HOMER2: variants seen among roughly 807,000 people sequenced by gnomAD.
HOMER2 encodes the protein homer scaffold protein 2.
Under a neutral mutation model 47.0 loss-of-function variants are expected in HOMER2, and 27 were observed. The observed-to-expected ratio is 0.57, with a 90% CI of 0.42 to 0.79. The LOEUF (loss-of-function observed/expected upper bound fraction) is 0.79. Among genes scored for constraint, HOMER2 ranks in the 30% least tolerant of loss-of-function variants. The probability of loss-of-function intolerance (pLI) is 0.00; values close to 1 mark genes in which losing one functional copy is unlikely to be tolerated. For missense variants in HOMER2, 443 were observed against 435.0 expected, an observed-to-expected ratio of 1.02 and a Z score of -0.16; for synonymous variants, 161 against 163.8, an observed-to-expected ratio of 0.98 and a Z score of 0.13.
Position 82,894,587 on chromosome 15 carries a change from C to T in HOMER2, c.6-1746G>A, listed in dbSNP as rs558494977. 3.8e-4 allele frequency among the ~76,000 whole-genome samples: 57 copies of T among 149,520 alleles called. No homozygotes were observed. In the Middle Eastern group the frequency reaches 0.01, roughly 27 times the overall value. ...TCGGGAGGCTGAGGCAGAAGAATGG[C>T]GTGAACCCGGGAGGCAGAGCTTGCA... On this transcript the variant is annotated intron_variant, in intron 1 of 8. Coordinates refer to ENST00000450735, the MANE Select transcript of HOMER2 (RefSeq NM_004839.4).
intron 6 of HOMER2, 149 bp from the exon 7 acceptor site, chr15:82,852,401 C>T (rs924038947): frequency 9.8e-6 from 6 of 611,880 alleles, no homozygotes; most frequent in Non-Finnish European, 1.7e-5. Context: ...ATGAACAAAC[C>T]CCATGCAGCT....
chr15:82,859,503 T>G (rs2051703186), intron 4 of HOMER2, among the ~76,000 whole-genome samples: 1 of 152,134 alleles, frequency 6.6e-6, no homozygotes, highest in Admixed American at 6.6e-5. Context: ...TTGGGAGACC[T>G]GGTCTCCTGA....
intron 1 of HOMER2, among the ~76,000 whole-genome samples, chr15:82,907,397 GAGAAAGAGAAGGAAAGAAAGAA>G (rs1235981580): frequency 3.4e-5 from 5 of 146,892 alleles, no homozygotes; most frequent in Admixed American, 2.8e-4. Flanking sequence ...GGAAAGGAAA[GAGAAAGAGAAGGAAAGAAAGAA>G]AGAAAGAGAA....
intron 4 of HOMER2, among the ~76,000 whole-genome samples, chr15:82,860,643 G>A (rs557385322): frequency 6.6e-5 from 10 of 152,048 alleles, no homozygotes; most frequent in African/African-American, 2.4e-4. Flanking sequence ...TAGTAAAGAA[G>A]TACAAAATGA....
intron 1 of HOMER2, among the ~76,000 whole-genome samples, chr15:82,897,650 T>C (rs1279869920): frequency 6.6e-6 from 1 of 152,172 alleles, no homozygotes; most frequent in Admixed American, 6.5e-5. Flanking sequence ...TCTCAATAAA[T>C]TACCTTACTG....
chr15:82,984,438 G>C (rs1288050927), intron 1 of HOMER2, among the ~76,000 whole-genome samples: 1 of 152,044 alleles, frequency 6.6e-6, no homozygotes, highest in African/African-American at 2.4e-5. Flanking sequence ...CTTTTGCTAG[G>C]TTAATGTTTC....
At chr15:82,934,877 C>T (rs2054106862) in intron 1 of HOMER2, among the ~76,000 whole-genome samples, 1 of 152,228 alleles carries the variant, frequency 6.6e-6, no homozygotes, top group African/African-American at 2.4e-5. Flanking sequence ...ATCACCTTCT[C>T]CTCCAGCTTC....
chr15:82,915,480 G>A (rs919425786), intron 1 of HOMER2, among the ~76,000 whole-genome samples: 1 of 152,032 alleles, frequency 6.6e-6, no homozygotes, highest in Admixed American at 6.6e-5. Context: ...AGGCTGAGAG[G>A]AGTGGATCAC....
chr15:82,892,658 TATTAA>T, intron 2 of HOMER2, 22 bp downstream of exon 2: 1 of 1,462,194 alleles, frequency 6.8e-7, no homozygotes, highest in South Asian at 1.5e-5. Flanking sequence ...CAACTGGGAG[TATTAA>T]AATCAGCTGA....
intron 1 of HOMER2, among the ~76,000 whole-genome samples, chr15:82,967,501 T>C (rs2054685406): frequency 6.6e-6 from 1 of 152,004 alleles, no homozygotes; most frequent in African/African-American, 2.4e-5. Context: ...GAGTTGCTAA[T>C]TGTTGAAGGT....
intron 1 of HOMER2, among the ~76,000 whole-genome samples, chr15:82,905,472 G>GA (rs2053260600): frequency 6.6e-6 from 1 of 152,024 alleles, no homozygotes; most frequent in East Asian, 1.9e-4. Flanking sequence ...GAAGCTCAGA[G>GA]AACACCCTGC....
At chr15:82,939,021 T>G (rs138865837) in intron 1 of HOMER2, among the ~76,000 whole-genome samples, 1 of 152,330 alleles carries the variant, frequency 6.6e-6, no homozygotes, top group East Asian at 1.9e-4. Flanking sequence ...ACTTTCTTTC[T>G]CCTTAGAAGG....
intron 1 of HOMER2, among the ~76,000 whole-genome samples, chr15:82,950,975 C>T (rs549495643): frequency 6.6e-6 from 1 of 152,174 alleles, no homozygotes; most frequent in South Asian, 2.1e-4. Context: ...TTAAAATTAC[C>T]GGATCCCTTT....
intron 1 of HOMER2, among the ~76,000 whole-genome samples, chr15:82,949,056 G>A (rs1232654892): frequency 6.6e-6 from 1 of 151,918 alleles, no homozygotes; most frequent in African/African-American, 2.4e-5. Flanking sequence ...TAGCCTGCAT[G>A]TGAGAGGTTG....
At chr15:82,965,622 T>G (rs1246148458) in intron 1 of HOMER2, among the ~76,000 whole-genome samples, 1 of 152,120 alleles carries the variant, frequency 6.6e-6, no homozygotes, top group East Asian at 1.9e-4. Flanking sequence ...TTACCTAACT[T>G]CCCTGTACCT....
At chr15:82,892,602 G>C (rs1471402726) in intron 2 of HOMER2, 83 bp downstream of exon 2, 1 of 1,044,420 alleles carries the variant, frequency 9.6e-7, no homozygotes, top group Non-Finnish European at 1.3e-6. Context: ...AATAACTTAT[G>C]TGTTAAGACG....
chr15:82,869,969 G>A (rs1037447087), intron 3 of HOMER2, among the ~76,000 whole-genome samples: 10 of 152,204 alleles, frequency 6.6e-5, no homozygotes, highest in African/African-American at 2.2e-4. Context: ...TATTCAAATT[G>A]CAAAGGTTTC....
intron 1 of HOMER2, among the ~76,000 whole-genome samples, chr15:82,904,122 G>A (rs1165016410): frequency 6.6e-6 from 1 of 152,240 alleles, no homozygotes; most frequent in Non-Finnish European, 1.5e-5. Flanking sequence ...GGGCGACAGA[G>A]TGAGACTGGC....
intron 2 of HOMER2, among the ~76,000 whole-genome samples, chr15:82,882,998 T>A (rs1479935875): frequency 4.8e-5 from 2 of 41,524 alleles, no homozygotes; most frequent in Non-Finnish European, 8.4e-5. Context: ...CACCCACTAA[T>A]GTGTCATCTA....
Sources: gnomAD v4.1 joint callset for allele counts (sites outside exome capture counted in the v4.1 genomes callset) on GRCh38, gnomAD v4.1.1 for gene constraint, MANE v1.5 for transcripts, NCBI Gene and HGNC (gene_info 2026-07-23, HGNC 2026-07-21) for gene names.